TENM2: variants seen among roughly 807,000 people sequenced by gnomAD.
TENM2 encodes the protein teneurin-2.
A neutral mutation model predicts 245.2 loss-of-function variants in TENM2; 52 were observed. That is an observed-to-expected ratio of 0.21 (90% CI 0.17 to 0.27). TENM2 has a LOEUF of 0.27. TENM2 is among the 10% of genes least tolerant of loss of function. TENM2 has a pLI of 1.00. For missense variants in TENM2, 3,046 were observed against 3,666.8 expected, an observed-to-expected ratio of 0.83 and a Z score of 4.37; for synonymous variants, 1,363 against 1,438.9, an observed-to-expected ratio of 0.95 and a Z score of 1.19.
chr5:167,937,150 G>A (rs568740837), intron 3 of TENM2, among the ~76,000 whole-genome samples: 191 of 152,128 alleles, frequency 1.3e-3, no homozygotes, highest in Non-Finnish European at 2.0e-3. Flanking sequence ...AAATCTACTC[G>A]CTCAGCAATT....
intron 2 of TENM2, among the ~76,000 whole-genome samples, chr5:167,396,864 A>T (rs1762082791): frequency 6.6e-6 from 1 of 152,124 alleles, no homozygotes; most frequent in Non-Finnish European, 1.5e-5. Flanking sequence ...GTCAAGGGCT[A>T]GGGAGAGATG....
intron 2 of TENM2, among the ~76,000 whole-genome samples, chr5:167,495,998 A>C (rs543244360): frequency 1.3e-5 from 2 of 152,144 alleles, no homozygotes; most frequent in South Asian, 2.1e-4. Context: ...CATATACAAA[A>C]CCAGAATGAA....
chr5:167,219,321 AAACAAAC>A, the TENM2 span, among the ~76,000 whole-genome samples: 3 of 147,828 alleles, frequency 2.0e-5, no homozygotes, highest in Non-Finnish European at 4.4e-5. Flanking sequence ...ACAAACAAAC[AAACAAAC>A]AAGCAAAACA....
intron 2 of TENM2, among the ~76,000 whole-genome samples, chr5:167,532,961 A>C (rs1279532756): frequency 2.0e-5 from 3 of 152,094 alleles, no homozygotes; most frequent in African/African-American, 7.2e-5. Flanking sequence ...ATATGTATCC[A>C]AAATATGAAT....
At chr5:166,986,703 C>T in the TENM2 span, among the ~76,000 whole-genome samples, 1 of 152,092 alleles carries the variant, frequency 6.6e-6, no homozygotes, top group Non-Finnish European at 1.5e-5. Flanking sequence ...GTTTTAAGAA[C>T]TGGGGCACAC....
chr5:167,508,618 G>T (rs2127566026), intron 2 of TENM2, among the ~76,000 whole-genome samples: 1 of 152,270 alleles, frequency 6.6e-6, no homozygotes, highest in South Asian at 2.1e-4. Context: ...GGTGTATACT[G>T]CATTGTAACC....
the TENM2 span, among the ~76,000 whole-genome samples, chr5:167,107,189 G>A: frequency 6.6e-6 from 1 of 151,974 alleles, no homozygotes; most frequent in Admixed American, 6.6e-5. Flanking sequence ...TTGAACCAGG[G>A]AGGCAGAGGT....
chr5:167,724,563 G>C lies in TENM2; in HGVS notation c.503-151423G>C, dbSNP rs13164274. Reference sequence around the variant, plus strand: ...GACAGTAGAGTAGGAAGGAGATGACGAATTCAGTAAGGTATTTTTCATGAG... The same window carrying C: ...GACAGTAGAGTAGGAAGGAGATGACCAATTCAGTAAGGTATTTTTCATGAG... On this transcript the variant is annotated intron_variant, in intron 2 of 28. Transcript: ENST00000518659. Among the ~76,000 whole-genome samples the C allele has an allele frequency of 4.4e-3, 676 of 152,192 alleles. 3 individuals are homozygous for C. Among genetic ancestry groups the C allele is most frequent in the Non-Finnish European group, 8.2e-3 (555 of 68,008 alleles).
intron 2 of TENM2, among the ~76,000 whole-genome samples, chr5:167,648,044 A>C (rs1340700332): frequency 6.6e-6 from 1 of 152,202 alleles, no homozygotes; most frequent in Non-Finnish European, 1.5e-5. Flanking sequence ...CCTATGTGCA[A>C]ATACCTTTGT....
chr5:167,967,836 C>G (rs538172734), intron 4 of TENM2, among the ~76,000 whole-genome samples: 13 of 152,306 alleles, frequency 8.5e-5, no homozygotes, highest in Non-Finnish European at 1.6e-4. Context: ...CTAATATCAA[C>G]TGTCATTCCC....
chr5:167,775,995 G>T (rs757661298), intron 2 of TENM2, among the ~76,000 whole-genome samples: 1 of 151,828 alleles, frequency 6.6e-6, no homozygotes, highest in Non-Finnish European at 1.5e-5. Flanking sequence ...AAACAAAGAG[G>T]GTTGGTTAAA....
At chr5:167,267,139 C>T in the TENM2 span, among the ~76,000 whole-genome samples, 186 of 152,266 alleles carry the variant, frequency 1.2e-3, no homozygotes, top group African/African-American at 4.3e-3. Context: ...TTAATAGAAT[C>T]TGACTGACAT....
chr5:167,667,382 G>A (rs977497499), intron 2 of TENM2, among the ~76,000 whole-genome samples: 9 of 152,106 alleles, frequency 5.9e-5, no homozygotes, highest in Non-Finnish European at 1.3e-4. Flanking sequence ...TCTACCTCCA[G>A]CATCTCTCTT....
At chr5:168,125,425 C>T (rs1033413593) in intron 11 of TENM2, among the ~76,000 whole-genome samples, 1 of 152,128 alleles carries the variant, frequency 6.6e-6, no homozygotes, top group Admixed American at 6.5e-5. Flanking sequence ...CGGGGTGCTG[C>T]GTGAACATGT....
rs532259452 is a variant in TENM2 at position 167,716,218 on chromosome 5, G to A, written c.503-159768G>A. ...ACGAAGGCTTGAAAACAAGTCACTT[G>A]GGTGTTGATGATGACTGGAAAACTG... On this transcript the variant is annotated intron_variant, in intron 2 of 28. Coordinates refer to ENST00000518659, the Ensembl canonical transcript of TENM2. 6.4e-4 allele frequency among the ~76,000 whole-genome samples: 97 copies of A among 152,238 alleles called. 1 individual carries two copies. Among genetic ancestry groups the A allele is most frequent in the African/African-American group, 2.3e-3 (96 of 41,528 alleles).
the TENM2 span, among the ~76,000 whole-genome samples, chr5:167,129,202 TG>T: frequency 6.6e-6 from 1 of 152,166 alleles, no homozygotes; most frequent in Non-Finnish European, 1.5e-5. Flanking sequence ...AGGAGACTCT[TG>T]GGAAATGTGT....
chr5:167,841,966 T>C lies in TENM2; in HGVS notation c.503-34020T>C, dbSNP rs200424597. On this transcript the variant is annotated intron_variant, in intron 2 of 28. Coordinates refer to ENST00000518659, the Ensembl canonical transcript of TENM2. The stretch of plus-strand genomic sequence containing the variant: ...ATTTATATGTTTTTGTCTCTCTCTA[T>C]ATATACACACACATACATGCAGTTA... 2.6e-5 allele frequency among the ~76,000 whole-genome samples: 4 copies of C among 152,266 alleles called. No homozygotes were observed. In the East Asian group the frequency reaches 7.7e-4, roughly 29 times the overall value.
At chr5:167,136,356 C>G in the TENM2 span, among the ~76,000 whole-genome samples, 2 of 152,158 alleles carry the variant, frequency 1.3e-5, no homozygotes, top group African/African-American at 4.8e-5. Context: ...GAGTCTCTCC[C>G]AGGCATTGAT....
chr5:166,997,733 A>T, the TENM2 span, among the ~76,000 whole-genome samples: 2 of 152,212 alleles, frequency 1.3e-5, no homozygotes, highest in African/African-American at 4.8e-5. Flanking sequence ...ATCAGGGAAG[A>T]CAGTGCTGGA....
Sources: allele counts gnomAD v4.1 joint callset (sites outside exome capture counted in the v4.1 genomes callset), GRCh38; gene constraint gnomAD v4.1.1; transcripts MANE v1.5; gene names NCBI Gene and HGNC (gene_info 2026-07-23, HGNC 2026-07-21).